The following GPHN variants were observed in gnomAD, a reference collection of about 807,000 sequenced individuals.
GPHN encodes gephyrin.
In GPHN, 17 loss-of-function variants were observed where a neutral mutation model predicts 95.5. That is an observed-to-expected ratio of 0.18 (90% CI 0.12 to 0.27). The LOEUF (loss-of-function observed/expected upper bound fraction) is 0.27, where lower values mean the gene tolerates loss of function less well. Ranked by LOEUF, GPHN falls within the 10% of genes least tolerant of loss-of-function variation. GPHN has a pLI of 1.00. For missense variants in GPHN, 660 were observed against 978.1 expected, an observed-to-expected ratio of 0.67 and a Z score of 4.34; for synonymous variants, 320 against 322.5, an observed-to-expected ratio of 0.99 and a Z score of 0.08.
intron 1 of GPHN, among the ~76,000 whole-genome samples, chr14:66,550,218 T>C (rs1197963576): frequency 6.6e-6 from 1 of 152,242 alleles, no homozygotes; most frequent in Non-Finnish European, 1.5e-5. Flanking sequence ...GAATTCAGCA[T>C]TCTTGATACC....
intron 17 of GPHN, among the ~76,000 whole-genome samples, chr14:67,141,534 G>GATTAATAAATGTATAA (rs2080457560): frequency 6.6e-6 from 1 of 152,086 alleles, no homozygotes; most frequent in Non-Finnish European, 1.5e-5. Flanking sequence ...GTATTAATAG[G>GATTAATAAATGTATAA]ATGTCATTTA....
chr14:66,909,571 CCTT>C (rs1444573276), intron 5 of GPHN, among the ~76,000 whole-genome samples: 1 of 151,966 alleles, frequency 6.6e-6, no homozygotes, highest in East Asian at 1.9e-4. Context: ...AGTCATATGA[CCTT>C]CTCAATTGAT....
chr14:66,508,396 C>A lies in GPHN; in HGVS notation c.-132C>A. ...CCGTGCACTCTGTGGCCTCCCCCTC[C>A]TTCCCCGCTCTCCTCGCGCTTCTCT... On this transcript the variant is annotated 5_prime_UTR_variant, in exon 1 of 23. Transcript: ENST00000478722. The A allele has an allele frequency of 1.2e-6, 1 of 844,594 alleles. No individual in the cohort carries two copies. The highest frequency in any genetic ancestry group is 2.1e-6 in the Non-Finnish European group (1 of 487,496). 52.3% of individuals were successfully genotyped at this position (844,594 alleles called of 1,614,324 possible).
intron 5 of GPHN, among the ~76,000 whole-genome samples, chr14:66,910,935 C>T (rs1466732458): frequency 6.6e-6 from 1 of 151,938 alleles, no homozygotes; most frequent in African/African-American, 2.4e-5. Flanking sequence ...TGAACTATAG[C>T]TATGCATATC....
the GPHN span, chr14:67,304,175 T>G: frequency 2.0e-5 from 3 of 152,616 alleles, no homozygotes; most frequent in African/African-American, 7.2e-5. Flanking sequence ...GGGCAAGTGC[T>G]TTTTAAAAAG....
At chr14:67,089,115 AT>A (rs371624615) in intron 12 of GPHN, 40 bp downstream of exon 12, 68 of 363,020 alleles carry the variant, frequency 1.9e-4, no homozygotes, top group Non-Finnish European at 2.6e-4. Flanking sequence ...CAGGCACTGT[AT>A]TTTTTTTTCT....
the GPHN span, among the ~76,000 whole-genome samples, chr14:67,330,431 A>G: frequency 6.7e-6 from 1 of 149,682 alleles, no homozygotes; most frequent in Non-Finnish European, 1.5e-5. Context: ...CCATTTTGTT[A>G]GAAGTATTTT....
chr14:66,798,719 G>T (rs1247512357), intron 3 of GPHN, among the ~76,000 whole-genome samples: 1 of 150,944 alleles, frequency 6.6e-6, no homozygotes, highest in Non-Finnish European at 1.5e-5. Flanking sequence ...TCTAGTTAAT[G>T]TGGCTAATGG....
At chr14:66,916,502 G>T (rs1310051753) in intron 6 of GPHN, among the ~76,000 whole-genome samples, 28 of 128,238 alleles carry the variant, frequency 2.2e-4, no homozygotes, top group Middle Eastern at 4.3e-3. Flanking sequence ...TTTTGGTTTG[G>T]TTTTTTTTTT....
chr14:67,715,866 T>C, the GPHN span, among the ~76,000 whole-genome samples: 1 of 152,172 alleles, frequency 6.6e-6, no homozygotes, highest in African/African-American at 2.4e-5. Context: ...AACACAAATG[T>C]AGAGCTTATT....
At chr14:67,374,436 A>G in the GPHN span, 1 of 1,447,456 alleles carries the variant, frequency 6.9e-7, no homozygotes, top group Non-Finnish European at 9.6e-7. Flanking sequence ...GCATCTGGAC[A>G]GAGATGATTT....
At chr14:67,144,248 AAAATATATATATATATATATAT>A (rs1224139317) in intron 18 of GPHN, among the ~76,000 whole-genome samples, 2 of 62,614 alleles carry the variant, frequency 3.2e-5, no homozygotes, top group Non-Finnish European at 5.5e-5. Context: ...AAAAAAAAAA[AAAATATATATATATATATATAT>A]ATATATATAT....
intron 9 of GPHN, among the ~76,000 whole-genome samples, chr14:66,995,631 A>G (rs886884146): frequency 3.3e-5 from 5 of 152,244 alleles, no homozygotes; most frequent in Non-Finnish European, 7.3e-5. Flanking sequence ...ATACAGTTAA[A>G]GAACAAATCT....
chr14:67,657,768 T>TG, the GPHN span, among the ~76,000 whole-genome samples: 4 of 11,482 alleles, frequency 3.5e-4, no homozygotes, highest in African/African-American at 3.8e-4. Flanking sequence ...TTTTTTTTTT[T>TG]GAGACAGTCT....
intron 18 of GPHN, among the ~76,000 whole-genome samples, chr14:67,157,817 G>A (rs1475591757): frequency 6.7e-6 from 1 of 149,848 alleles, no homozygotes; most frequent in Non-Finnish European, 1.5e-5. Flanking sequence ...GACAGAGAGA[G>A]ACCCCGTCTC....
the GPHN span, among the ~76,000 whole-genome samples, chr14:67,275,605 G>A: frequency 3.2e-4 from 49 of 152,064 alleles, no homozygotes; most frequent in African/African-American, 1.1e-3. Context: ...GTCTCTGCCC[G>A]GCTTTGGTAT....
chr14:67,713,888 A>T, the GPHN span, among the ~76,000 whole-genome samples: 1 of 152,090 alleles, frequency 6.6e-6, no homozygotes, highest in Non-Finnish European at 1.5e-5. Flanking sequence ...GGTAGGTGAG[A>T]GAAAAACAGC....
chr14:66,885,316 G>A (rs979751438), intron 5 of GPHN, among the ~76,000 whole-genome samples: 2 of 152,020 alleles, frequency 1.3e-5, no homozygotes, highest in Non-Finnish European at 2.9e-5. Context: ...AACTATTTTG[G>A]AACTTTGTAG....
At chr14:67,110,438 C>T (rs538484007) in intron 14 of GPHN, among the ~76,000 whole-genome samples, 179 bp downstream of exon 14, 3 of 152,230 alleles carry the variant, frequency 2.0e-5, no homozygotes, top group Non-Finnish European at 4.4e-5. Flanking sequence ...AAGAAATTTC[C>T]TTAATCTTGA....
Sources: gnomAD v4.1 joint callset for allele counts (sites outside exome capture counted in the v4.1 genomes callset) on GRCh38, gnomAD v4.1.1 for gene constraint, MANE v1.5 for transcripts, NCBI Gene and HGNC (gene_info 2026-07-23, HGNC 2026-07-21) for gene names.